The following APTX variants were observed in gnomAD, a reference collection of about 807,000 sequenced individuals.
APTX encodes aprataxin, also known as forkhead-associated domain histidine triad-like protein.
APTX carries 33 observed loss-of-function variants against 42.3 expected under a neutral mutation model. That is an observed-to-expected ratio of 0.78 (90% CI 0.59 to 1.04). The LOEUF (loss-of-function observed/expected upper bound fraction) is 1.04. Among genes scored for constraint, APTX ranks in the 50% least tolerant of loss-of-function variants. The pLI, the probability that APTX is intolerant of heterozygous loss-of-function variation, is 0.00. For synonymous variants in APTX, 130 were observed against 146.7 expected (o/e 0.89, Z 0.82); for missense variants, 421 against 415.1 (o/e 1.01, Z -0.12).
At chr9:33,015,225 C>T (rs542459000) in intron 1 of APTX, among the ~76,000 whole-genome samples, 15 of 152,296 alleles carry the variant, frequency 9.8e-5, no homozygotes, top group African/African-American at 3.6e-4. Context: ...GTTTATAATA[C>T]ATTATACACA....
intron 2 of APTX, among the ~76,000 whole-genome samples, chr9:32,989,161 T>C (rs1424591228): frequency 2.0e-5 from 3 of 152,176 alleles, no homozygotes; most frequent in Non-Finnish European, 4.4e-5. Flanking sequence ...TTAACTCATA[T>C]AGGAAAGATC....
At chr9:32,986,276 G>A (rs1832113661) in intron 4 of APTX, 31 of 590,046 alleles carry the variant, frequency 5.3e-5, no homozygotes, top group South Asian at 4.4e-4. Context: ...GTGCAGCGGC[G>A]TGATCACTGC....
intron 1 of APTX, among the ~76,000 whole-genome samples, chr9:33,007,853 C>T (rs1292382579): frequency 1.3e-5 from 2 of 152,094 alleles, no homozygotes; most frequent in South Asian, 2.1e-4. Flanking sequence ...CCCCAACGCT[C>T]CCCACCAAGA....
Position 32,985,326 on chromosome 9 carries a change from GTT to G in APTX, c.544-471_544-470del, listed in dbSNP as rs5897530. Among the ~76,000 whole-genome samples, 463 of 103,028 alleles carry G rather than the reference GTT, an allele frequency of 4.5e-3. 2 individuals are homozygous for G. Among genetic ancestry groups the G allele is most frequent in the African/African-American group, 0.017 (390 of 22,796 alleles). The allele number at this position is 103,028 out of a possible 152,430, so 67.6% of individuals were successfully genotyped here. A position where few individuals can be genotyped will look rare whatever the true frequency, so the allele number is the denominator to read the frequency against. ...CAAAGGCTCCTCAAGGATGATGCCT[GTT>G]TTTTTTTTTTTTTTTTTTTTTTTGA... On this transcript the variant is annotated intron_variant, in intron 5 of 7. Coordinates refer to ENST00000379817, the MANE Select transcript of APTX (RefSeq NM_001195248.2).
chr9:33,012,579 T>A (rs191009154), intron 1 of APTX, among the ~76,000 whole-genome samples: 2 of 152,240 alleles, frequency 1.3e-5, no homozygotes, highest in East Asian at 1.9e-4. Context: ...AAGCCCAACT[T>A]AGCCACATGA....
At chr9:33,022,667 TAAC>T (rs1838478911) in intron 1 of APTX, among the ~76,000 whole-genome samples, 1 of 152,296 alleles carries the variant, frequency 6.6e-6, no homozygotes, top group African/African-American at 2.4e-5. Flanking sequence ...CCATTAAAAA[TAAC>T]AAGGCAGATT....
chr9:32,975,521 G>A (rs1233197074), intron 6 of APTX, among the ~76,000 whole-genome samples: 1 of 152,078 alleles, frequency 6.6e-6, no homozygotes. Context: ...GCCCAACATG[G>A]TGAAACTAAC....
At position 32,987,202 on chromosome 9, in the gene APTX, A is replaced by C. The variant is rs2118791690; in HGVS notation, c.483+342T>G. 1.3e-5 allele frequency among the ~76,000 whole-genome samples: 2 copies of C among 152,344 alleles called. 1 individual carries two copies. Among genetic ancestry groups the C allele is most frequent in the South Asian group, 4.1e-4 (2 of 4,828 alleles). On this transcript the variant is annotated intron_variant, in intron 4 of 7. Coordinates refer to ENST00000379817, the MANE Select transcript of APTX (RefSeq NM_001195248.2). The stretch of plus-strand genomic sequence containing the variant: ...TACCTTCTTTGCCCTCTCTCACTGC[A>C]GCTACAGCCTGACCAATTCTCCACT...
intron 1 of APTX, among the ~76,000 whole-genome samples, chr9:33,010,715 G>A (rs1421574169): frequency 7.0e-6 from 1 of 142,728 alleles, no homozygotes; most frequent in African/African-American, 2.6e-5. Flanking sequence ...GTGAAACCTC[G>A]TTCCAAAAAA....
intron 1 of APTX, among the ~76,000 whole-genome samples, chr9:33,012,226 C>G (rs1476465120): frequency 2.6e-5 from 4 of 152,030 alleles, no homozygotes; most frequent in African/African-American, 9.7e-5. Context: ...CACAAGAGAC[C>G]TTACTTTTCA....
At chr9:33,016,810 A>C (rs1042134772) in intron 1 of APTX, among the ~76,000 whole-genome samples, 17 of 152,206 alleles carry the variant, frequency 1.1e-4, no homozygotes, top group Admixed American at 4.6e-4. Context: ...GCAGGCAGAA[A>C]AATCACCAGA....
At chr9:32,986,785 G>C (rs1410525460) in intron 4 of APTX, among the ~76,000 whole-genome samples, 1 of 145,442 alleles carries the variant, frequency 6.9e-6, no homozygotes, top group African/African-American at 2.6e-5. Flanking sequence ...ACAGGCGTGA[G>C]CCAGCACACC....
chr9:32,984,758 CCTT>C lies in APTX; in HGVS notation c.640_642del (p.Lys214del). 6.2e-7 allele frequency: 1 copy of C among 1,614,226 alleles called. No individual in the cohort carries two copies. Among genetic ancestry groups the C allele is most frequent in the African/African-American group, 1.3e-5 (1 of 75,068 alleles). ...AGTTCAAGGTGTTCCCTGGCCACAG[CCTT>C]CAGACTGGAAATGGAGGTCCACGGT... On this transcript the variant is annotated inframe_deletion, in exon 6 of 8. Coordinates refer to ENST00000379817, the MANE Select transcript of APTX (RefSeq NM_001195248.2).
rs548506300 is a variant in APTX, at chr9:33,020,989, C to T, written c.-5+4034G>A. 2.6e-4 allele frequency among the ~76,000 whole-genome samples: 39 copies of T among 152,192 alleles called. No homozygotes were observed. The South Asian group carries it at 6.4e-3, about 25-fold the overall frequency. The stretch of plus-strand genomic sequence containing the variant: ...ACTAAAAAATACAAAATTAGCCAGG[C>T]GTGGTGGAACATGCCTGTAATCCCA... On this transcript the variant is annotated intron_variant, in intron 1 of 6. Transcript: ENST00000436040.
intron 1 of APTX, among the ~76,000 whole-genome samples, chr9:33,012,413 C>T (rs745929957): frequency 6.6e-6 from 1 of 152,192 alleles, no homozygotes; most frequent in Non-Finnish European, 1.5e-5. Context: ...CTTCCATAGT[C>T]CCCTTCCACA....
intron 1 of APTX, among the ~76,000 whole-genome samples, chr9:33,008,646 G>C (rs1056376373): frequency 8.0e-5 from 12 of 150,428 alleles, no homozygotes; most frequent in Non-Finnish European, 1.6e-4. Context: ...CCACCTCCCT[G>C]GTTCAAGCAA....
intron 6 of APTX, among the ~76,000 whole-genome samples, chr9:32,978,674 T>C (rs1208167699): frequency 6.6e-6 from 1 of 152,286 alleles, no homozygotes; most frequent in South Asian, 2.1e-4. Context: ...TGATAAATAA[T>C]AGACAGCAGA....
At chr9:32,977,515 A>T (rs370789705) in intron 6 of APTX, among the ~76,000 whole-genome samples, 11 of 151,488 alleles carry the variant, frequency 7.3e-5, no homozygotes, top group East Asian at 1.9e-4. Context: ...AAAAATGAAT[A>T]AAAAAATTCA....
At chr9:32,991,856 C>T (rs1476986730) in intron 1 of APTX, among the ~76,000 whole-genome samples, 1 of 151,012 alleles carries the variant, frequency 6.6e-6, no homozygotes, top group African/African-American at 2.4e-5. Context: ...GAAAAATACA[C>T]AAGGAGACAT....
Sources: gnomAD v4.1 joint callset for allele counts (sites outside exome capture counted in the v4.1 genomes callset) on GRCh38, gnomAD v4.1.1 for gene constraint, MANE v1.5 for transcripts, NCBI Gene and HGNC (gene_info 2026-07-23, HGNC 2026-07-21) for gene names.